Variants in CDH2 observed in about 807,000 individuals in gnomAD.
CDH2 encodes cadherin 2, also known as cadherin-2.
CDH2 carries 17 observed loss-of-function variants against 92.0 expected under a neutral mutation model. That is an observed-to-expected ratio of 0.18 (90% CI 0.13 to 0.28). CDH2 has a LOEUF of 0.28. Among genes scored for constraint, CDH2 ranks in the 10% least tolerant of loss-of-function variants. The pLI, the probability that CDH2 is intolerant of heterozygous loss-of-function variation, is 1.00. For synonymous variants in CDH2, 419 were observed against 415.9 expected (o/e 1.01, Z -0.09); for missense variants, 862 against 1,133.1 (o/e 0.76, Z 3.44).
At chr18:28,131,099 T>A (rs2015761558) in intron 2 of CDH2, among the ~76,000 whole-genome samples, 3 of 152,156 alleles carry the variant, frequency 2.0e-5, no homozygotes, top group Admixed American at 2.0e-4. Flanking sequence ...AAATACCACA[T>A]AATTTGTTCG....
At chr18:28,136,218 C>G (rs939945245) in intron 2 of CDH2, among the ~76,000 whole-genome samples, 1 of 152,158 alleles carries the variant, frequency 6.6e-6, no homozygotes, top group Non-Finnish European at 1.5e-5. Context: ...GGAAGGCCAG[C>G]TGATGTCAGA....
At chr18:28,149,894 G>C (rs922786017) in intron 1 of CDH2, among the ~76,000 whole-genome samples, 9 of 152,134 alleles carry the variant, frequency 5.9e-5, no homozygotes, top group Non-Finnish European at 2.9e-5. Flanking sequence ...TAATGAAAAA[G>C]AGAAAATATC....
intron 2 of CDH2, among the ~76,000 whole-genome samples, chr18:28,130,210 G>C (rs2015743494): frequency 6.6e-6 from 1 of 152,184 alleles, no homozygotes; most frequent in Non-Finnish European, 1.5e-5. Context: ...GAAGGACTGT[G>C]GGCATGAGCA....
chr18:28,130,251 G>A (rs1303982318), intron 2 of CDH2, among the ~76,000 whole-genome samples: 1 of 152,202 alleles, frequency 6.6e-6, no homozygotes, highest in Non-Finnish European at 1.5e-5. Flanking sequence ...GGTCCACACT[G>A]CTGCAGGAAA....
intron 15 of CDH2, among the ~76,000 whole-genome samples, chr18:27,953,970 C>G (rs927976087): frequency 6.6e-6 from 1 of 152,142 alleles, no homozygotes; most frequent in African/African-American, 2.4e-5. Context: ...AGCTGCTTGA[C>G]TCACGTCAAA....
At chr18:28,023,786 C>G (rs1042704521) in intron 2 of CDH2, among the ~76,000 whole-genome samples, 1 of 152,124 alleles carries the variant, frequency 6.6e-6, no homozygotes, top group African/African-American at 2.4e-5. Context: ...TATACAATAA[C>G]TTTTTAAATT....
chr18:28,074,944 G>C (rs941201379), intron 2 of CDH2, among the ~76,000 whole-genome samples: 5 of 152,056 alleles, frequency 3.3e-5, no homozygotes, highest in Admixed American at 6.6e-5. Context: ...GTATTGGAAA[G>C]GGAATCATAT....
At chr18:28,172,076 G>GGTGTGGGT (rs1555648766) in intron 1 of CDH2, among the ~76,000 whole-genome samples, 2 of 146,572 alleles carry the variant, frequency 1.4e-5, no homozygotes, top group South Asian at 2.2e-4. Context: ...ATACATTTGG[G>GGTGTGGGT]GTGTGTGTGT....
chr18:27,956,347 TGA>T (rs1010948316), intron 15 of CDH2, among the ~76,000 whole-genome samples: 3 of 152,106 alleles, frequency 2.0e-5, no homozygotes, highest in Non-Finnish European at 2.9e-5. Flanking sequence ...CTCTGCAGAG[TGA>T]GAGAGCTTGG....
intron 2 of CDH2, among the ~76,000 whole-genome samples, chr18:28,125,827 ACTC>A (rs1480574110): frequency 4.0e-5 from 6 of 150,262 alleles, no homozygotes; most frequent in African/African-American, 1.5e-4. Context: ...AGAGATCAGT[ACTC>A]CTGATTACAA....
intron 6 of CDH2, among the ~76,000 whole-genome samples, chr18:27,937,635 T>C (rs1909048424): frequency 6.6e-6 from 1 of 152,204 alleles, no homozygotes; most frequent in African/African-American, 2.4e-5. Context: ...TTCTAAATTC[T>C]CTTCCCTATT....
At position 27,990,198 on chromosome 18, in the gene CDH2, G is replaced by C. The variant is rs1448614125; in HGVS notation, c.1497C>G (p.Pro499=). The change falls in exon 10 of 16, where the codon CCC becomes CCG. Residue 499 remains proline (P), a synonymous_variant. Coordinates refer to ENST00000269141, the MANE Select transcript of CDH2 (RefSeq NM_001792.5). ...CTTCTTGGCGAATGATCTTAGGATT[G>C]GGGGCAAAATAAGGGTTTTCATTTA... The part of the protein sequence containing the change: ...IDVNENPYFA[P]NPKIIRQEEG... 1 of 1,613,956 alleles carries C rather than the reference G, an allele frequency of 6.2e-7. No individual in the cohort carries two copies. Among genetic ancestry groups the C allele is most frequent in the Non-Finnish European group, 8.5e-7 (1 of 1,179,970 alleles).
At chr18:28,083,617 T>G (rs761783961) in intron 2 of CDH2, among the ~76,000 whole-genome samples, 2 of 152,226 alleles carry the variant, frequency 1.3e-5, no homozygotes, top group Non-Finnish European at 2.9e-5. Flanking sequence ...CAGATTTTTC[T>G]TATTTATATT....
rs1013684849 is a variant in CDH2 at position 27,970,608 on chromosome 18, A to G, written c.2350-7087T>C. ...CCTTGATTCAAATCCTGGCTCCATCATATTTTAACTGTGTGACCTTGAGCA... is the reference window on the plus strand; with the variant it reads ...CCTTGATTCAAATCCTGGCTCCATCGTATTTTAACTGTGTGACCTTGAGCA... On this transcript the variant is annotated intron_variant, in intron 14 of 15. Coordinates refer to ENST00000269141, the MANE Select transcript of CDH2 (RefSeq NM_001792.5). Among the ~76,000 whole-genome samples, 5 of 152,334 alleles carry G rather than the reference A, an allele frequency of 3.3e-5. No individual in the cohort carries two copies. In the East Asian group the frequency reaches 9.7e-4, roughly 29 times the overall value.
At chr18:28,098,409 G>A (rs563276941) in intron 2 of CDH2, among the ~76,000 whole-genome samples, 6 of 152,134 alleles carry the variant, frequency 3.9e-5, no homozygotes, top group African/African-American at 1.4e-4. Flanking sequence ...GAAATGCAAA[G>A]TTAGGTTCCT....
At chr18:28,000,970 T>C (rs543347413) in intron 7 of CDH2, among the ~76,000 whole-genome samples, 7 of 152,282 alleles carry the variant, frequency 4.6e-5, no homozygotes, top group Admixed American at 1.3e-4. Context: ...GGAAGAATTA[T>C]CATAAACCAT....
At chr18:28,045,766 A>T (rs1322516212) in intron 2 of CDH2, among the ~76,000 whole-genome samples, 2 of 152,184 alleles carry the variant, frequency 1.3e-5, no homozygotes, top group Non-Finnish European at 2.9e-5. Flanking sequence ...TCCCAAACCG[A>T]AGCTTCCTTT....
chr18:28,137,925 T>C (rs933267401), intron 2 of CDH2, among the ~76,000 whole-genome samples: 9 of 152,168 alleles, frequency 5.9e-5, no homozygotes, highest in Non-Finnish European at 1.3e-4. Context: ...TTTAAGAAAA[T>C]CACAGGCCAA....
At chr18:27,936,033 C>T (rs1909010437) in intron 6 of CDH2, among the ~76,000 whole-genome samples, 1 of 152,106 alleles carries the variant, frequency 6.6e-6, no homozygotes, top group Admixed American at 6.6e-5. Flanking sequence ...AATAGATCAT[C>T]AAGGGAAGTC....
Sources: gnomAD v4.1 joint callset for allele counts (sites outside exome capture counted in the v4.1 genomes callset) on GRCh38, gnomAD v4.1.1 for gene constraint, MANE v1.5 for transcripts, NCBI Gene and HGNC (gene_info 2026-07-23, HGNC 2026-07-21) for gene names.